FNBP1: variants seen among roughly 807,000 people sequenced by gnomAD.
FNBP1 encodes the protein formin-binding protein 1.
Under a neutral mutation model 90.6 loss-of-function variants are expected in FNBP1, and 26 were observed. The observed-to-expected ratio is 0.29, with a 90% CI of 0.21 to 0.40. FNBP1 has a LOEUF of 0.40. FNBP1 is among the 10% of genes least tolerant of loss of function. The pLI, the probability that FNBP1 is intolerant of heterozygous loss-of-function variation, is 1.00. For missense variants in FNBP1, 635 were observed against 768.0 expected, an observed-to-expected ratio of 0.83 and a Z score of 2.05; for synonymous variants, 260 against 265.2, an observed-to-expected ratio of 0.98 and a Z score of 0.19.
chr9:129,950,972 T>G (rs75290926), intron 6 of FNBP1, among the ~76,000 whole-genome samples: 1 of 131,736 alleles, frequency 7.6e-6, no homozygotes, highest in Admixed American at 7.4e-5. Flanking sequence ...TTTTAATTTT[T>G]TTTTTTTTTT....
intron 2 of FNBP1, among the ~76,000 whole-genome samples, chr9:129,992,616 C>T (rs543584620): frequency 1.9e-4 from 26 of 134,764 alleles, no homozygotes; most frequent in Admixed American, 1.8e-3. Context: ...TGCAGTGGCG[C>T]GATCTTGGCT....
intron 6 of FNBP1, among the ~76,000 whole-genome samples, chr9:129,951,527 T>C (rs982835399): frequency 1.3e-5 from 2 of 152,068 alleles, no homozygotes; most frequent in African/African-American, 4.8e-5. Flanking sequence ...CTGAAACCTC[T>C]GCTTCTTAAG....
rs572490771 is a variant in FNBP1 at position 129,902,022 on chromosome 9, C to T, written c.1428+847G>A. ...TTTTCCATGCTCTGTAGTCTTTAAA[C>T]GTGGTAGGGAGAGTGGGTTCAGGAG... On this transcript the variant is annotated intron_variant, in intron 13 of 16. Transcript: ENST00000446176. Among the ~76,000 whole-genome samples the T allele has an allele frequency of 7.2e-5, 11 of 152,286 alleles. 1 individual carries two copies. Among genetic ancestry groups the T allele is most frequent in the Non-Finnish European group, 1.0e-4 (7 of 68,014 alleles).
intron 1 of FNBP1, among the ~76,000 whole-genome samples, chr9:130,000,361 G>T (rs1376509485): frequency 6.6e-6 from 1 of 151,768 alleles, no homozygotes; most frequent in East Asian, 1.9e-4. Flanking sequence ...TGTGGTGGTG[G>T]TCACCTGTAA....
intron 2 of FNBP1, 122 bp downstream of exon 2, chr9:129,994,721 A>C (rs1384351314): frequency 2.2e-6 from 1 of 445,962 alleles, no homozygotes; most frequent in African/African-American, 2.1e-5. Flanking sequence ...ACTTCTATTG[A>C]AATATTACCT....
intron 6 of FNBP1, among the ~76,000 whole-genome samples, chr9:129,954,359 A>G (rs2046611972): frequency 6.6e-6 from 1 of 152,146 alleles, no homozygotes; most frequent in Non-Finnish European, 1.5e-5. Context: ...CAGAAAAAAG[A>G]GCAAACACTC....
intron 15 of FNBP1, 121 bp from the exon 16 acceptor site, chr9:129,896,117 T>A: frequency 1.0e-6 from 1 of 993,522 alleles, no homozygotes; most frequent in Non-Finnish European, 1.5e-6. Flanking sequence ...TTCACCCCAC[T>A]CGGACCTTCT....
Position 130,042,884 on chromosome 9 carries a change from C to T in FNBP1, c.24+68G>A. ...CCGCCCAGCAGCGCGGCCCGCGCCC[C>T]CTCCCCAGGCCGCGGGGAAACGCAG... On this transcript the variant is annotated intron_variant, in intron 1 of 16. Coordinates refer to ENST00000446176, the MANE Select transcript of FNBP1 (RefSeq NM_015033.3). The surrounding 1 kb of genome is among the most constrained non-coding windows in gnomAD (Gnocchi z 5.5). The T allele has an allele frequency of 9.1e-7, 1 of 1,104,622 alleles. No homozygotes were observed. Among genetic ancestry groups the T allele is most frequent in the Non-Finnish European group, 1.1e-6 (1 of 872,752 alleles). 68.4% of individuals were successfully genotyped at this position (1,104,622 alleles called of 1,614,324 possible).
intron 1 of FNBP1, among the ~76,000 whole-genome samples, chr9:130,029,499 G>T (rs985404390): frequency 6.6e-6 from 1 of 152,174 alleles, no homozygotes; most frequent in Admixed American, 6.5e-5. Context: ...AGAGAACAAA[G>T]AGTACCTTAA....
rs1444592156 is a variant in FNBP1 at position 130,043,049 on chromosome 9, G to GC, written c.-75dup. On this transcript the variant is annotated 5_prime_UTR_variant, in exon 1 of 17. Transcript: ENST00000446176. ...GGTCCCCCTCCCCGGCGATCCCTTT[G>GC]CCCCCCGAGATCCCCGCGACGGCGG... 111 of 1,209,294 alleles carry GC rather than the reference G, an allele frequency of 9.2e-5. 2 individuals carry two copies. In the East Asian group the frequency reaches 3.3e-3, roughly 36 times the overall value. 74.9% of individuals were successfully genotyped at this position (1,209,294 alleles called of 1,614,324 possible).
chr9:129,947,478 G>C lies in FNBP1; in HGVS notation c.513+9882C>G, dbSNP rs552977335. 8.7e-5 allele frequency among the ~76,000 whole-genome samples: 13 copies of C among 150,046 alleles called. No homozygotes were observed. The East Asian group carries it at 2.1e-3, about 25-fold the overall frequency. On this transcript the variant is annotated intron_variant, in intron 6 of 16. Transcript: ENST00000446176. Reference sequence around the variant, plus strand: ...GAAAAGAAAAAAAGAAAAAACAAAAGGCAAGTTCCTCAGAGTCAAGGATCG... The same window carrying C: ...GAAAAGAAAAAAAGAAAAAACAAAACGCAAGTTCCTCAGAGTCAAGGATCG...
At chr9:129,915,842 C>T in intron 11 of FNBP1, 124 bp downstream of exon 11, 2 of 671,814 alleles carry the variant, frequency 3.0e-6, no homozygotes, top group East Asian at 2.7e-5. Flanking sequence ...CCAACAAAAG[C>T]ACACGTAAGA....
At position 129,967,027 on chromosome 9, in the gene FNBP1, A is replaced by C. The variant is rs2048735077; in HGVS notation, c.346-8474T>G. 2.6e-5 allele frequency among the ~76,000 whole-genome samples: 4 copies of C among 152,216 alleles called. No individual in the cohort carries two copies. The South Asian group carries it at 8.3e-4, about 32-fold the overall frequency. On this transcript the variant is annotated intron_variant, in intron 4 of 16. Transcript: ENST00000446176. ...AGAGGGGTGAGAAGTGCTTGGACTC[A>C]GAACATTTACTGAAGGCAGAGCCAG...
chr9:129,957,416 G>T lies in FNBP1; in HGVS notation c.457C>A (p.Gln153Lys). Residue 153 changes from glutamine (Q) to lysine (K), a missense_variant, in exon 6 of 17, where the codon CAG becomes AAG. Gln to Lys is a moderately conservative substitution (Grantham distance 53). Coordinates refer to ENST00000446176, the MANE Select transcript of FNBP1 (RefSeq NM_015033.3). This position sits in a 1 kb window ranked among gnomAD's most constrained non-coding sequence, Gnocchi z 4.3. ...TCAGCGTCCATTTTCTCAAAGTACT[G>T]CTGCGCCCTGTCCGCCTCTTTGCAA... ...RDCKEADRAQ[Q>K]YFEKMDADIN... The T allele has an allele frequency of 6.2e-7, 1 of 1,613,756 alleles. No homozygotes were observed. Among genetic ancestry groups the T allele is most frequent in the Non-Finnish European group, 8.5e-7 (1 of 1,179,770 alleles).
At chr9:129,969,155 C>T (rs985265156) in intron 4 of FNBP1, among the ~76,000 whole-genome samples, 21 of 152,158 alleles carry the variant, frequency 1.4e-4, no homozygotes, top group Non-Finnish European at 2.5e-4. Context: ...CTCTGAATTA[C>T]CCACATCTCA....
chr9:130,010,147 T>A (rs1051461157), intron 1 of FNBP1, among the ~76,000 whole-genome samples: 2 of 152,116 alleles, frequency 1.3e-5, no homozygotes, highest in Non-Finnish European at 1.5e-5. Flanking sequence ...CCAATTTAAG[T>A]CCCTTGTGAG....
chr9:130,033,930 G>A (rs1317432742), intron 1 of FNBP1, among the ~76,000 whole-genome samples: 1 of 150,406 alleles, frequency 6.6e-6, no homozygotes, highest in Non-Finnish European at 1.5e-5. Context: ...GCAGGAGAAT[G>A]GCATGAACCT....
At chr9:129,956,418 T>C (rs553095268) in intron 6 of FNBP1, among the ~76,000 whole-genome samples, 9 of 152,318 alleles carry the variant, frequency 5.9e-5, no homozygotes, top group African/African-American at 2.2e-4. Context: ...GTCCTTGTTA[T>C]GTAAAAGCCT....
Position 129,925,077 on chromosome 9 carries a change from T to C in FNBP1, c.870A>G (p.Pro290=). The change falls in exon 9 of 17, where the codon CCA becomes CCG. Residue 290 remains proline, a synonymous_variant. Transcript: ENST00000446176. ...TGTTATCTGACACAGTGCGCTTCAT[T>C]GGCTGAGTGTAATCCTCAAATTCAA... ...GDIEFEDYTQ[P]MKRTVSDNSL... is the part of the protein sequence containing the mutation. 6.2e-7 allele frequency: 1 copy of C among 1,613,974 alleles called. No homozygotes were observed. The highest frequency in any genetic ancestry group is 8.5e-7 in the Non-Finnish European group (1 of 1,179,844).
Sources: gnomAD v4.1 joint callset for allele counts (sites outside exome capture counted in the v4.1 genomes callset) on GRCh38, gnomAD v4.1.1 for gene constraint, Gnocchi (gnomAD v3.1) non-coding constraint, MANE v1.5 for transcripts, NCBI Gene and HGNC (gene_info 2026-07-23, HGNC 2026-07-21) for gene names.